Variants in DLGAP2 observed in about 807,000 individuals in gnomAD.
The protein encoded by DLGAP2 is disks large-associated protein 2.
In DLGAP2, 26 loss-of-function variants were observed where a neutral mutation model predicts 100.3. The observed-to-expected ratio is 0.26, with a 90% CI of 0.19 to 0.36. The LOEUF is 0.36. Among genes scored for constraint, DLGAP2 ranks in the 10% least tolerant of loss-of-function variants. The pLI is 1.00. For synonymous variants in DLGAP2, 886 were observed against 630.1 expected (o/e 1.41, Z -6.08); for missense variants, 1,858 against 1,453.2 (o/e 1.28, Z -4.53).
At chr8:935,021 T>C (rs1391733378) in intron 2 of DLGAP2, among the ~76,000 whole-genome samples, 1 of 152,204 alleles carries the variant, frequency 6.6e-6, no homozygotes, top group Non-Finnish European at 1.5e-5. Flanking sequence ...TCGGCTTCCG[T>C]TGGCACTGGG....
At chr8:1,297,312 T>G (rs890510957) in intron 3 of DLGAP2, 1 of 152,238 alleles carries the variant, frequency 6.6e-6, no homozygotes, top group African/African-American at 2.4e-5. Context: ...CCCTGCTGTT[T>G]AGGATGAGAA....
In DLGAP2 at chr8:1,002,028, T is replaced by G. The variant is rs945025847; in HGVS notation, c.73+94062T>G. Reference sequence around the variant, plus strand: ...TACGATACGGGCACTTAGCATATTCTGGGACTGTGCTACCTGTTTACATAG... The same window carrying G: ...TACGATACGGGCACTTAGCATATTCGGGGACTGTGCTACCTGTTTACATAG... On this transcript the variant is annotated intron_variant, in intron 2 of 14. Coordinates refer to ENST00000637795, the MANE Select transcript of DLGAP2 (RefSeq NM_001346810.2). 2.0e-5 allele frequency: 3 copies of G among 152,270 alleles called. No individual in the cohort carries two copies. In the East Asian group the frequency reaches 5.8e-4, roughly 29 times the overall value. The allele number at this position is 152,270 out of a possible 1,614,324, so 9.4% of individuals were successfully genotyped here. A position where few individuals can be genotyped will look rare whatever the true frequency, so the allele number is the denominator to read the frequency against.
chr8:1,288,999 C>T (rs1350041029), intron 3 of DLGAP2, among the ~76,000 whole-genome samples: 1 of 152,164 alleles, frequency 6.6e-6, no homozygotes, highest in Non-Finnish European at 1.5e-5. Context: ...TTTAAGAAAA[C>T]CTCTAAGGAA....
intron 3 of DLGAP2, among the ~76,000 whole-genome samples, chr8:1,455,620 G>A (rs1335234894): frequency 6.6e-6 from 1 of 152,214 alleles, no homozygotes; most frequent in African/African-American, 2.4e-5. Context: ...CTTTGAGCTT[G>A]TCCTGCTGTC....
intron 2 of DLGAP2, among the ~76,000 whole-genome samples, chr8:960,020 CCTCT>C (rs553904728): frequency 9.2e-5 from 14 of 151,954 alleles, no homozygotes; most frequent in Non-Finnish European, 1.8e-4. Flanking sequence ...TGAGGATTAT[CCTCT>C]CTGTTAGAAA....
chr8:1,206,364 T>A (rs13261595), intron 2 of DLGAP2, among the ~76,000 whole-genome samples: 1 of 56,874 alleles, frequency 1.8e-5, no homozygotes, highest in African/African-American at 1.5e-4. Context: ...ATCCGTGGAC[T>A]GGGGTAGACT....
chr8:981,314 T>C (rs1460066530), intron 2 of DLGAP2, among the ~76,000 whole-genome samples: 2 of 152,140 alleles, frequency 1.3e-5, no homozygotes, highest in African/African-American at 4.8e-5. Context: ...TGTTGATCCA[T>C]GTACCTGCTG....
chr8:737,887 G>A (rs1278725609), intron 1 of DLGAP2, 62 bp downstream of exon 1: 2 of 370,488 alleles, frequency 5.4e-6, no homozygotes, highest in Non-Finnish European at 4.8e-6. Context: ...TCGAGGCGGG[G>A]AGGGCGCGGT....
At chr8:925,981 A>G (rs747607794) in intron 2 of DLGAP2, among the ~76,000 whole-genome samples, 2 of 152,162 alleles carry the variant, frequency 1.3e-5, no homozygotes, top group Non-Finnish European at 2.9e-5. Flanking sequence ...AACACATCAC[A>G]CTGCCATTAC....
intron 3 of DLGAP2, among the ~76,000 whole-genome samples, chr8:1,445,794 A>G (rs933661113): frequency 1.3e-5 from 2 of 152,160 alleles, no homozygotes; most frequent in Non-Finnish European, 2.9e-5. Context: ...AACTGGTGTG[A>G]GATGGTATCT....
chr8:1,334,872 T>A (rs548670276), intron 3 of DLGAP2, among the ~76,000 whole-genome samples: 1 of 152,284 alleles, frequency 6.6e-6, no homozygotes, highest in South Asian at 2.1e-4. Flanking sequence ...CTCGCCTCTT[T>A]CCTCTGAATG....
intron 3 of DLGAP2, among the ~76,000 whole-genome samples, chr8:1,310,895 G>A (rs1800598469): frequency 6.6e-6 from 1 of 152,028 alleles, no homozygotes; most frequent in African/African-American, 2.4e-5. Context: ...TTGACAATGG[G>A]TCAAAGAATC....
intron 2 of DLGAP2, among the ~76,000 whole-genome samples, chr8:1,197,354 C>G (rs886885301): frequency 1.8e-4 from 27 of 152,366 alleles, no homozygotes; most frequent in African/African-American, 6.5e-4. Context: ...TGCTCAGTAC[C>G]TGAGCCCTTG....
intron 3 of DLGAP2, among the ~76,000 whole-genome samples, chr8:1,436,673 T>G (rs994431105): frequency 7.2e-5 from 11 of 152,122 alleles, no homozygotes; most frequent in Admixed American, 5.9e-4. Context: ...GTGTGTAGAG[T>G]CTACAGTAGC....
chr8:1,243,488 G>T (rs1234699730), intron 2 of DLGAP2, among the ~76,000 whole-genome samples: 2 of 152,188 alleles, frequency 1.3e-5, no homozygotes, highest in African/African-American at 2.4e-5. Flanking sequence ...TCTGGACTTG[G>T]CCATTGCATT....
chr8:1,291,718 G>T (rs1407187638), intron 3 of DLGAP2, among the ~76,000 whole-genome samples: 1 of 152,054 alleles, frequency 6.6e-6, no homozygotes, highest in African/African-American at 2.4e-5. Context: ...CCTGCTCAAA[G>T]TTGGGTGTTC....
intron 2 of DLGAP2, among the ~76,000 whole-genome samples, chr8:968,769 C>T (rs1036799191): frequency 4.6e-5 from 7 of 152,208 alleles, no homozygotes; most frequent in African/African-American, 1.4e-4. Context: ...CCTCACCTCA[C>T]GTCTTCAGTA....
At chr8:975,329 T>C (rs1011321269) in intron 2 of DLGAP2, among the ~76,000 whole-genome samples, 2 of 152,180 alleles carry the variant, frequency 1.3e-5, no homozygotes, top group Admixed American at 6.5e-5. Flanking sequence ...AAGATAATTA[T>C]TTCAGTACTC....
At chr8:1,087,929 G>A (rs73180697) in intron 2 of DLGAP2, among the ~76,000 whole-genome samples, 14,104 of 152,206 alleles carry the variant, frequency 0.093, 764 homozygotes, top group African/African-American at 0.14. Context: ...GGCACAGTCC[G>A]CCCTCAGGGC....
Sources: gnomAD v4.1 joint callset for allele counts (sites outside exome capture counted in the v4.1 genomes callset) on GRCh38, gnomAD v4.1.1 for gene constraint, MANE v1.5 for transcripts, NCBI Gene and HGNC (gene_info 2026-07-23, HGNC 2026-07-21) for gene names.